Variants in MALRD1 observed in about 807,000 individuals in gnomAD.
MALRD1 encodes the protein MAM and LDL-receptor class A domain-containing protein 1.
A neutral mutation model predicts 242.1 loss-of-function variants in MALRD1; 247 were observed. The observed-to-expected ratio is 1.02, with a 90% confidence interval of 0.92 to 1.13. MALRD1 has a LOEUF of 1.13. Ranked by LOEUF, MALRD1 falls within the 50% of genes most tolerant of loss-of-function variation. The pLI, the probability that MALRD1 is intolerant of heterozygous loss-of-function variation, is 0.00. For synonymous variants in MALRD1, 995 were observed against 866.6 expected (o/e 1.15, Z -2.60); for missense variants, 2,989 against 2,533.1 (o/e 1.18, Z -3.86).
intron 28 of MALRD1, among the ~76,000 whole-genome samples, chr10:19,420,452 G>C (rs892418780): frequency 6.6e-6 from 1 of 151,180 alleles, no homozygotes; most frequent in African/African-American, 2.4e-5. Flanking sequence ...ATCTTCATAA[G>C]GAAAAACAAT....
chr10:19,568,755 T>C (rs1229608209), intron 33 of MALRD1, among the ~76,000 whole-genome samples: 1 of 152,068 alleles, frequency 6.6e-6, no homozygotes, highest in Admixed American at 6.6e-5. Flanking sequence ...TCTTACTTTT[T>C]CCCCCAATAA....
At chr10:19,536,727 AACATTAATT>A (rs1197129320) in intron 32 of MALRD1, among the ~76,000 whole-genome samples, 8 of 152,194 alleles carry the variant, frequency 5.3e-5, no homozygotes, top group South Asian at 2.1e-4. Context: ...ATTTGTCCTG[AACATTAATT>A]ACATTAATTA....
intron 19 of MALRD1, among the ~76,000 whole-genome samples, chr10:19,269,740 A>G (rs1406978554): frequency 1.3e-5 from 2 of 152,218 alleles, no homozygotes. Flanking sequence ...AATGCAAGAC[A>G]TTGGACTTAC....
intron 18 of MALRD1, among the ~76,000 whole-genome samples, chr10:19,218,841 A>T (rs1837438456): frequency 6.6e-6 from 1 of 152,106 alleles, no homozygotes; most frequent in African/African-American, 2.4e-5. Context: ...TACTAAGGAG[A>T]TATTATACTG....
intron 36 of MALRD1, among the ~76,000 whole-genome samples, chr10:19,654,589 T>G (rs1224986923): frequency 6.6e-6 from 1 of 152,214 alleles, no homozygotes; most frequent in African/African-American, 2.4e-5. Context: ...CTGTCTTTTC[T>G]TTGCTTTCGC....
In MALRD1 at chr10:19,087,894, G is replaced by A. The variant is rs1320615484; in HGVS notation, c.395G>A (p.Ser132Asn). ...GATTCTATTTCCTCAAGTTTAAGAAGCAGAGTTTTCCTTCCAACAAATGAT... is the reference window on the plus strand; with the variant it reads ...GATTCTATTTCCTCAAGTTTAAGAAACAGAGTTTTCCTTCCAACAAATGAT... ...RVDSISSSLRSRVFLPTNDQH... is the reference protein window; with the variant it reads ...RVDSISSSLRNRVFLPTNDQH... Residue 132 changes from serine (S) to asparagine (N), a missense_variant, in exon 3 of 40, where the codon AGC (serine) becomes AAC (asparagine). Transcript: ENST00000454679. The A allele has an allele frequency of 8.1e-7, 1 of 1,232,658 alleles. No individual in the cohort carries two copies. The highest frequency in any genetic ancestry group is 1.0e-6 in the Non-Finnish European group (1 of 987,528). The allele number at this position is 1,232,658 out of a possible 1,614,324, so 76.4% of individuals were successfully genotyped here.
intron 32 of MALRD1, among the ~76,000 whole-genome samples, chr10:19,535,191 T>G (rs10740912): frequency 0.7 from 107,024 of 152,074 alleles, 40,984 homozygotes; most frequent in Non-Finnish European, 0.84. Context: ...ACCAAAGTTT[T>G]TTTTTATCTC....
intron 26 of MALRD1, among the ~76,000 whole-genome samples, chr10:19,359,517 A>C (rs948884332): frequency 6.6e-6 from 1 of 152,112 alleles, no homozygotes; most frequent in Non-Finnish European, 1.5e-5. Context: ...GCACAGCATT[A>C]GATGCACTGT....
chr10:19,232,238 C>G (rs1481959709), intron 18 of MALRD1, among the ~76,000 whole-genome samples: 1 of 151,996 alleles, frequency 6.6e-6, no homozygotes, highest in Non-Finnish European at 1.5e-5. Flanking sequence ...AAGATCTCTG[C>G]TCACTGCAAC....
Position 19,425,859 on chromosome 10 carries a change from C to T in MALRD1, c.4846-24448C>T, listed in dbSNP as rs774569899. Among the ~76,000 whole-genome samples, 13 of 152,236 alleles carry T rather than the reference C, an allele frequency of 8.5e-5. No homozygotes were observed. The South Asian group carries it at 2.3e-3, about 27-fold the overall frequency. ...ATTTGTCCTTAGAGTCTCCTTCGAA[C>T]CACAGGCTACCAGCTCATTCATTAG... On this transcript the variant is annotated intron_variant, in intron 28 of 39. Transcript: ENST00000454679.
intron 32 of MALRD1, among the ~76,000 whole-genome samples, chr10:19,533,586 T>C (rs574322624): frequency 2.0e-5 from 3 of 152,164 alleles, no homozygotes; most frequent in African/African-American, 7.2e-5. Context: ...CTGATGAGGG[T>C]TCAAGAAGCA....
At chr10:19,219,630 C>T (rs182580726) in intron 18 of MALRD1, among the ~76,000 whole-genome samples, 2 of 152,168 alleles carry the variant, frequency 1.3e-5, no homozygotes, top group Non-Finnish European at 2.9e-5. Context: ...ACATATGTTG[C>T]CCAAGCTGGT....
At chr10:19,155,301 G>A (rs1834103867) in intron 12 of MALRD1, 129 bp downstream of exon 12, 4 of 429,242 alleles carry the variant, frequency 9.3e-6, no homozygotes, top group Non-Finnish European at 1.6e-5. Context: ...ATTTACATGC[G>A]CTATTTCAAC....
intron 33 of MALRD1, among the ~76,000 whole-genome samples, chr10:19,593,999 A>C (rs2131554945): frequency 6.6e-6 from 1 of 152,320 alleles, no homozygotes; most frequent in East Asian, 1.9e-4. Context: ...CAGTGTGACA[A>C]AACCATAGCG....
chr10:19,640,496 A>AT (rs35055207), intron 36 of MALRD1, among the ~76,000 whole-genome samples: 48 of 151,242 alleles, frequency 3.2e-4, no homozygotes, highest in East Asian at 2.5e-3. Flanking sequence ...GTATGTTTTA[A>AT]TTTTTTTTTT....
intron 18 of MALRD1, among the ~76,000 whole-genome samples, chr10:19,212,545 T>A (rs1837116547): frequency 6.6e-6 from 1 of 152,236 alleles, no homozygotes; most frequent in African/African-American, 2.4e-5. Flanking sequence ...ATACATGTGC[T>A]ATGAACATTT....
intron 36 of MALRD1, among the ~76,000 whole-genome samples, chr10:19,632,551 C>G (rs1471068598): frequency 6.6e-6 from 1 of 151,982 alleles, no homozygotes; most frequent in Non-Finnish European, 1.5e-5. Context: ...GCTTAAAAAC[C>G]TAAGGAATAA....
chr10:19,256,337 G>T (rs11593818), intron 18 of MALRD1, among the ~76,000 whole-genome samples: 3 of 151,962 alleles, frequency 2.0e-5, no homozygotes, highest in Admixed American at 2.0e-4. Flanking sequence ...ACGTTTTTCT[G>T]TAGTATGTTC....
chr10:19,457,889 T>C (rs73595814), intron 29 of MALRD1, among the ~76,000 whole-genome samples: 4,659 of 152,024 alleles, frequency 0.031, 229 homozygotes, highest in African/African-American at 0.11. Flanking sequence ...AATATTCAAA[T>C]AATCCTTATT....
Sources: allele counts gnomAD v4.1 joint callset (sites outside exome capture counted in the v4.1 genomes callset), GRCh38; gene constraint gnomAD v4.1.1; transcripts MANE v1.5; gene names NCBI Gene and HGNC (gene_info 2026-07-23, HGNC 2026-07-21).